BRIP1: variants seen among roughly 807,000 people sequenced by gnomAD.
The protein encoded by BRIP1 is BRCA1 interacting DNA helicase 1.
A neutral mutation model predicts 119.7 loss-of-function variants in BRIP1; 88 were observed. The ratio of observed to expected loss-of-function variants is 0.74; its 90% CI spans 0.62 to 0.88. BRIP1 has a LOEUF of 0.88. Ranked by LOEUF, BRIP1 falls within the 40% of genes least tolerant of loss-of-function variation. BRIP1 has a pLI of 0.00. For synonymous variants in BRIP1, 443 were observed against 496.5 expected, an observed-to-expected ratio of 0.89 and a Z score of 1.43; for missense variants, 1,259 against 1,455.4, an observed-to-expected ratio of 0.87 and a Z score of 2.20.
intron 17 of BRIP1, among the ~76,000 whole-genome samples, chr17:61,712,632 G>A (rs1567753070): frequency 6.6e-6 from 1 of 152,210 alleles, no homozygotes; most frequent in Non-Finnish European, 1.5e-5. Flanking sequence ...TGGGCCGAAT[G>A]TGGTGGCTCA....
At position 61,816,107 on chromosome 17, in the gene BRIP1, C is replaced by A. The variant is rs990429848; in HGVS notation, c.628-7350G>T. Reference sequence around the variant, plus strand: ...CCACTCACAGCAACCAGCAGGTGAACCTGATTCAATATTTATCACAGGCTT... The same window carrying A: ...CCACTCACAGCAACCAGCAGGTGAAACTGATTCAATATTTATCACAGGCTT... On this transcript the variant is annotated intron_variant, in intron 6 of 19. Transcript: ENST00000259008. The surrounding 1 kb of genome is among the most constrained non-coding windows in gnomAD (Gnocchi z 5.0). Among the ~76,000 whole-genome samples the A allele has an allele frequency of 5.3e-5, 8 of 152,182 alleles. No individual in the cohort carries two copies. Among genetic ancestry groups the A allele is most frequent in the African/African-American group, 1.9e-4 (8 of 41,458 alleles).
chr17:61,765,396 TATATATATATATATATATATATATATA>T (rs1567798827), intron 14 of BRIP1, among the ~76,000 whole-genome samples: 16 of 14,956 alleles, frequency 1.1e-3, no homozygotes, highest in Non-Finnish European at 1.7e-3. Flanking sequence ...TATATATATA[TATATATATATATATATATATATATATA>T]TTTTTTTTTT....
In BRIP1 at chr17:61,775,994, C is replaced by T; in HGVS notation, c.2097+407G>A. ...AACCTCCTGGGCTCAAGCAATCCTCCCACCTCAGCCTCGCAGGTAGCTGGG... is the reference window on the plus strand; with the variant it reads ...AACCTCCTGGGCTCAAGCAATCCTCTCACCTCAGCCTCGCAGGTAGCTGGG... On this transcript the variant is annotated intron_variant, in intron 14 of 19. Coordinates refer to ENST00000259008, the MANE Select transcript of BRIP1 (RefSeq NM_032043.3). The surrounding 1 kb of genome is among the most constrained non-coding windows in gnomAD (Gnocchi z 4.4). 4.3e-6 allele frequency: 1 copy of T among 232,370 alleles called. No homozygotes were observed. Among genetic ancestry groups the T allele is most frequent in the South Asian group, 6.3e-5 (1 of 15,972 alleles). The allele number at this position is 232,370 out of a possible 1,614,324, so 14.4% of individuals were successfully genotyped here.
At chr17:61,692,876 A>T (rs561765968) in intron 18 of BRIP1, among the ~76,000 whole-genome samples, 17 of 152,294 alleles carry the variant, frequency 1.1e-4, no homozygotes, top group African/African-American at 4.1e-4. Flanking sequence ...GTATTTGTTC[A>T]AAAAAATTGA....
In BRIP1 at chr17:61,724,728, A is replaced by C. The variant is rs1008768522; in HGVS notation, c.2380-8665T>G. ...TATGTAAGCTTGAAGACAAAAGTTC[A>C]AGCCTCCAAATGAGACTAAGGACAA... On this transcript the variant is annotated intron_variant, in intron 16 of 19. Coordinates refer to ENST00000259008, the MANE Select transcript of BRIP1 (RefSeq NM_032043.3). This position sits in a 1 kb window ranked among gnomAD's most constrained non-coding sequence, Gnocchi z 5.1. 1.3e-5 allele frequency among the ~76,000 whole-genome samples: 2 copies of C among 152,188 alleles called. No homozygotes were observed. Among genetic ancestry groups the C allele is most frequent in the African/African-American group, 4.8e-5 (2 of 41,460 alleles).
chr17:61,835,288 T>G (rs936690285), intron 6 of BRIP1, among the ~76,000 whole-genome samples: 2 of 152,026 alleles, frequency 1.3e-5, no homozygotes, highest in African/African-American at 4.8e-5. Flanking sequence ...AACAGAGAGT[T>G]TGGAGATAAA....
chr17:61,849,137 T>G lies in BRIP1; in HGVS notation c.499A>C (p.Thr167Pro). 1 of 1,613,694 alleles carries G rather than the reference T, an allele frequency of 6.2e-7. No individual in the cohort carries two copies. The highest frequency in any genetic ancestry group is 2.2e-5 in the East Asian group (1 of 44,770). ...CAATAAACTCTGTTTACCTGCTGTGTAGTTTCTAAGGGTCGAATTCTTTTC... is the reference window on the plus strand; with the variant it reads ...CAATAAACTCTGTTTACCTGCTGTGGAGTTTCTAAGGGTCGAATTCTTTTC... ...EKKRIRPLET[T>P]QQIRKRHCFG... The change falls in exon 5 of 20, where the codon ACA becomes CCA. Residue 167 changes from threonine (T) to proline (P), a missense_variant. Transcript: ENST00000259008.
In BRIP1 at chr17:61,730,552, T is replaced by G. The variant is rs1484315618; in HGVS notation, c.2379+12461A>C. On this transcript the variant is annotated intron_variant, in intron 16 of 19. Coordinates refer to ENST00000259008, the MANE Select transcript of BRIP1 (RefSeq NM_032043.3). This position sits in a 1 kb window ranked among gnomAD's most constrained non-coding sequence, Gnocchi z 4.3. ...CTCCAACCTAGTTTGAGAGCAAAAT[T>G]AATATATAAAGGTCAAAGTTCCTTT... Among the ~76,000 whole-genome samples the G allele has an allele frequency of 1.3e-5, 2 of 152,232 alleles. No homozygotes were observed. Among genetic ancestry groups the G allele is most frequent in the East Asian group, 3.9e-4 (2 of 5,178 alleles).
chr17:61,777,258 T>C (rs1275189693), intron 13 of BRIP1, among the ~76,000 whole-genome samples: 2 of 152,198 alleles, frequency 1.3e-5, no homozygotes, highest in Non-Finnish European at 2.9e-5. Context: ...AATGTAGCAT[T>C]GAGTAGAAAA....
chr17:61,733,948 A>T (rs1179449134), intron 16 of BRIP1, among the ~76,000 whole-genome samples: 1 of 152,220 alleles, frequency 6.6e-6, no homozygotes, highest in African/African-American at 2.4e-5. Context: ...TCAACATTTT[A>T]AAAATATAAA....
At chr17:61,719,407 C>T (rs72842964) in intron 16 of BRIP1, among the ~76,000 whole-genome samples, 2,860 of 152,248 alleles carry the variant, frequency 0.019, 48 homozygotes, top group Non-Finnish European at 0.029. Context: ...ACCACATGTT[C>T]TTGCTCATAT....
In BRIP1 at chr17:61,710,850, G is replaced by T. The variant is rs1387724148; in HGVS notation, c.2492+5101C>A. Among the ~76,000 whole-genome samples the T allele has an allele frequency of 6.6e-6, 1 of 152,012 alleles. No individual in the cohort carries two copies. The highest frequency in any genetic ancestry group is 2.4e-5 in the African/African-American group (1 of 41,396). ...GAGGTCAGGAGTTTGAGACCAGCCT[G>T]TCCATCATGGTGAAACCCCGTCTCT... On this transcript the variant is annotated intron_variant, in intron 17 of 19. Transcript: ENST00000259008. This position sits in a 1 kb window ranked among gnomAD's most constrained non-coding sequence, Gnocchi z 5.4.
chr17:61,701,870 A>T lies in BRIP1; in HGVS notation c.2493-8358T>A, dbSNP rs928415052. On this transcript the variant is annotated intron_variant, in intron 17 of 19. Coordinates refer to ENST00000259008, the MANE Select transcript of BRIP1 (RefSeq NM_032043.3). The surrounding 1 kb of genome is among the most constrained non-coding windows in gnomAD (Gnocchi z 5.1). ...AGGTAGGTCACATAATTCTCTGGAA[A>T]TGTACTCCAGACCTGTTTTGCTCCC... Among the ~76,000 whole-genome samples, 3 of 152,150 alleles carry T rather than the reference A, an allele frequency of 2.0e-5. No homozygotes were observed. The highest frequency in any genetic ancestry group is 2.0e-4 in the Admixed American group (3 of 15,274).
chr17:61,728,075 C>T (rs1359842366), intron 16 of BRIP1, among the ~76,000 whole-genome samples: 3 of 151,860 alleles, frequency 2.0e-5, no homozygotes, highest in East Asian at 3.9e-4. Flanking sequence ...GTGATCCACC[C>T]GCCTCAGCCT....
chr17:61,815,186 A>G lies in BRIP1; in HGVS notation c.628-6429T>C, dbSNP rs1186510802. ...CCTCAGTTGTTTCATACCCAGCAGA[A>G]TAGCTTTCATCTTAACACCTCCTCC... is the stretch of plus-strand genomic sequence containing the variant. On this transcript the variant is annotated intron_variant, in intron 6 of 19. Transcript: ENST00000259008. This position sits in a 1 kb window ranked among gnomAD's most constrained non-coding sequence, Gnocchi z 4.1. Among the ~76,000 whole-genome samples the G allele has an allele frequency of 6.6e-6, 1 of 151,796 alleles. No homozygotes were observed. Among genetic ancestry groups the G allele is most frequent in the Non-Finnish European group, 1.5e-5 (1 of 67,934 alleles).
At chr17:61,784,901 C>G (rs1462024236) in intron 10 of BRIP1, among the ~76,000 whole-genome samples, 1 of 152,178 alleles carries the variant, frequency 6.6e-6, no homozygotes. Flanking sequence ...CCAAATAAAC[C>G]TCCTTTCTTT....
intron 2 of BRIP1, 59 bp from the exon 3 acceptor site, chr17:61,859,966 C>G: frequency 1.7e-6 from 2 of 1,199,214 alleles, no homozygotes; most frequent in Non-Finnish European, 2.5e-6. Flanking sequence ...AGGTCTCTCT[C>G]CATCTGAAGT....
At position 61,832,332 on chromosome 17, in the gene BRIP1, A is replaced by G. The variant is rs1482667405; in HGVS notation, c.627+14769T>C. Among the ~76,000 whole-genome samples the G allele has an allele frequency of 1.3e-5, 2 of 152,246 alleles. No homozygotes were observed. Among genetic ancestry groups the G allele is most frequent in the Non-Finnish European group, 1.5e-5 (1 of 68,042 alleles). On this transcript the variant is annotated intron_variant, in intron 6 of 19. Coordinates refer to ENST00000259008, the MANE Select transcript of BRIP1 (RefSeq NM_032043.3). The surrounding 1 kb of genome is among the most constrained non-coding windows in gnomAD (Gnocchi z 5.5). ...TGGAAAATCACAAGTCCATAAAGATATAAATAAAATGAGTAAACTGAATTT... is the reference window on the plus strand; with the variant it reads ...TGGAAAATCACAAGTCCATAAAGATGTAAATAAAATGAGTAAACTGAATTT...
In BRIP1 at chr17:61,725,284, C is replaced by T. The variant is rs928215696; in HGVS notation, c.2380-9221G>A. Among the ~76,000 whole-genome samples, 2 of 152,118 alleles carry T rather than the reference C, an allele frequency of 1.3e-5. No individual in the cohort carries two copies. Among genetic ancestry groups the T allele is most frequent in the South Asian group, 2.1e-4 (1 of 4,826 alleles). On this transcript the variant is annotated intron_variant, in intron 16 of 19. Transcript: ENST00000259008. The surrounding 1 kb of genome is among the most constrained non-coding windows in gnomAD (Gnocchi z 5.3). ...TAGTTGTTACTTACTTTCCCTGTTA[C>T]GTTACAACTTGACCACAATAATCTA...
Sources: gnomAD v4.1 joint callset for allele counts (sites outside exome capture counted in the v4.1 genomes callset) on GRCh38, gnomAD v4.1.1 for gene constraint, Gnocchi (gnomAD v3.1) non-coding constraint, MANE v1.5 for transcripts, NCBI Gene and HGNC (gene_info 2026-07-23, HGNC 2026-07-21) for gene names.